SLC5A4: variants seen among roughly 807,000 people sequenced by gnomAD.
SLC5A4 encodes the protein solute carrier family 5 member 4, also known as probable glucose sensor protein SLC5A4.
A neutral mutation model predicts 70.3 loss-of-function variants in SLC5A4; 55 were observed. That is an observed-to-expected ratio of 0.78 (90% CI 0.63 to 0.98). The LOEUF (loss-of-function observed/expected upper bound fraction) is 0.98, where lower values mean the gene tolerates loss of function less well. SLC5A4 is among the 50% of genes least tolerant of loss of function. SLC5A4 has a pLI of 0.00. For synonymous variants in SLC5A4, 268 were observed against 305.7 expected, an observed-to-expected ratio of 0.88 and a Z score of 1.29; for missense variants, 735 against 839.2, an observed-to-expected ratio of 0.88 and a Z score of 1.53.
At chr22:32,255,129 T>TGGGG in intron 1 of SLC5A4, 66 bp downstream of exon 1, 1 of 1,427,202 alleles carries the variant, frequency 7.0e-7, no homozygotes, top group Non-Finnish European at 9.9e-7. Flanking sequence ...CCACACCCCT[T>TGGGG]CCCCCCTTAA....
At chr22:32,314,237 T>C in the SLC5A4 span, among the ~76,000 whole-genome samples, 1 of 152,300 alleles carries the variant, frequency 6.6e-6, no homozygotes, top group African/African-American at 2.4e-5. Flanking sequence ...GACTTTTTTT[T>C]CTCCATAGCA....
the SLC5A4 span, among the ~76,000 whole-genome samples, chr22:32,336,351 CTTT>C: frequency 6.6e-6 from 1 of 152,232 alleles, no homozygotes; most frequent in Admixed American, 6.5e-5. Context: ...GTGGAAGCGT[CTTT>C]TTGTTAATTA....
chr22:32,323,213 G>C, the SLC5A4 span, among the ~76,000 whole-genome samples: 15 of 152,184 alleles, frequency 9.9e-5, no homozygotes, highest in South Asian at 2.9e-3. Context: ...CAATTGAGAA[G>C]ACACAGAAGC....
the SLC5A4 span, among the ~76,000 whole-genome samples, chr22:32,305,042 A>G: frequency 6.6e-6 from 1 of 152,094 alleles, no homozygotes; most frequent in African/African-American, 2.4e-5. Context: ...TATTTTATGT[A>G]GGTCTATTTC....
chr22:32,305,214 C>CTT, the SLC5A4 span, among the ~76,000 whole-genome samples: 6 of 151,542 alleles, frequency 4.0e-5, no homozygotes, highest in East Asian at 1.9e-4. Flanking sequence ...TTTCCTGTAT[C>CTT]TTTTTTTTAT....
chr22:32,245,806 A>C (rs1354674649), intron 5 of SLC5A4, among the ~76,000 whole-genome samples: 1 of 152,234 alleles, frequency 6.6e-6, no homozygotes, highest in Non-Finnish European at 1.5e-5. Context: ...GGCGTGAGCC[A>C]CTGCGCCCGG....
chr22:32,300,393 C>T, the SLC5A4 span, among the ~76,000 whole-genome samples: 2 of 152,142 alleles, frequency 1.3e-5, no homozygotes, highest in Non-Finnish European at 2.9e-5. Flanking sequence ...CGGAAAAGCG[C>T]AGTATTCGGG....
At chr22:32,276,045 CCA>C in the SLC5A4 span, among the ~76,000 whole-genome samples, 1 of 152,126 alleles carries the variant, frequency 6.6e-6, no homozygotes, top group African/African-American at 2.4e-5. Flanking sequence ...ATATCCTTCG[CCA>C]CAATTTTTTT....
At chr22:32,350,100 C>T in the SLC5A4 span, among the ~76,000 whole-genome samples, 2 of 152,132 alleles carry the variant, frequency 1.3e-5, no homozygotes, top group East Asian at 3.9e-4. Flanking sequence ...ACAGAGGCTC[C>T]TCCTAAAATG....
the SLC5A4 span, among the ~76,000 whole-genome samples, chr22:32,290,305 G>A: frequency 6.6e-6 from 1 of 151,924 alleles, no homozygotes; most frequent in African/African-American, 2.4e-5. Context: ...GTGTCCATGT[G>A]TTCTCACTGT....
chr22:32,301,032 G>A, the SLC5A4 span, among the ~76,000 whole-genome samples: 1 of 152,038 alleles, frequency 6.6e-6, no homozygotes, highest in East Asian at 1.9e-4. Context: ...GCATGATCTT[G>A]GCTCACTGCA....
At chr22:32,300,329 CCT>C in the SLC5A4 span, among the ~76,000 whole-genome samples, 3 of 151,346 alleles carry the variant, frequency 2.0e-5, no homozygotes, top group East Asian at 5.8e-4. Context: ...GGCGTAGGAC[CCT>C]CTGAGCCAGG....
the SLC5A4 span, chr22:32,354,738 C>T: frequency 6.6e-6 from 1 of 152,552 alleles, no homozygotes; most frequent in Non-Finnish European, 1.5e-5. Flanking sequence ...TCCAACCAGC[C>T]TCCTAACACG....
At chr22:32,308,054 G>A in the SLC5A4 span, among the ~76,000 whole-genome samples, 1 of 152,136 alleles carries the variant, frequency 6.6e-6, no homozygotes, top group South Asian at 2.1e-4. Context: ...ATCCAGGTCT[G>A]TTATTCCTTC....
Position 32,225,567 on chromosome 22 carries a change from G to GA in SLC5A4, c.1449+87_1449+88insT, listed in dbSNP as rs532372033. On this transcript the variant is annotated intron_variant, in intron 12 of 14. Transcript: ENST00000266086. ...ATGGGCCATGATTTGCATAAATAGG[G>GA]GAGAAAGAATGTATTTTGATACCCC... 414 of 795,444 alleles carry GA rather than the reference G, an allele frequency of 5.2e-4. 3 individuals are homozygous for GA. The South Asian group carries it at 7.1e-3, about 14-fold the overall frequency. 49.3% of individuals were successfully genotyped at this position (795,444 alleles called of 1,614,324 possible). A position where few individuals can be genotyped will look rare whatever the true frequency, so the allele number is the denominator to read the frequency against.
intron 11 of SLC5A4, among the ~76,000 whole-genome samples, chr22:32,228,306 C>T (rs1925524099): frequency 1.3e-5 from 2 of 150,340 alleles, no homozygotes; most frequent in Admixed American, 6.6e-5. Context: ...TTTGGGAGGC[C>T]GAGGAGAATG....
the SLC5A4 span, among the ~76,000 whole-genome samples, chr22:32,292,231 A>G: frequency 7.2e-5 from 5 of 69,436 alleles, no homozygotes; most frequent in Non-Finnish European, 1.3e-4. Context: ...TATTCTATAT[A>G]TTATATATAT....
At chr22:32,335,711 C>A in the SLC5A4 span, among the ~76,000 whole-genome samples, 1 of 152,218 alleles carries the variant, frequency 6.6e-6, no homozygotes, top group African/African-American at 2.4e-5. Context: ...AGCTGCAGCA[C>A]CCAGCGATTC....
intron 2 of SLC5A4, among the ~76,000 whole-genome samples, chr22:32,252,112 C>T (rs1306514875): frequency 6.6e-6 from 1 of 151,940 alleles, no homozygotes; most frequent in East Asian, 1.9e-4. Context: ...CGCCTGTAGT[C>T]CCTGCTGCTC....
Sources: allele counts gnomAD v4.1 joint callset (sites outside exome capture counted in the v4.1 genomes callset), GRCh38; gene constraint gnomAD v4.1.1; transcripts MANE v1.5; gene names NCBI Gene and HGNC (gene_info 2026-07-23, HGNC 2026-07-21).